CEP63: variants seen among roughly 807,000 people sequenced by gnomAD.
CEP63 encodes the protein centrosomal protein of 63 kDa.
In CEP63, 84 loss-of-function variants were observed where a neutral mutation model predicts 89.1. The ratio of observed to expected loss-of-function variants is 0.94; its 90% CI spans 0.79 to 1.13. CEP63 has a LOEUF of 1.13. CEP63 is among the 50% of genes most tolerant of loss of function. The pLI is 0.00. For synonymous variants in CEP63, 267 were observed against 272.5 expected (o/e 0.98, Z 0.20); for missense variants, 838 against 813.3 (o/e 1.03, Z -0.37).
chr3:134,532,972 A>C, intron 5 of CEP63, 72 bp downstream of exon 5: 1 of 1,543,440 alleles, frequency 6.5e-7, no homozygotes, highest in South Asian at 1.1e-5. Context: ...TTCTAATGGC[A>C]CTATTTTCTG....
chr3:134,619,243 C>G, the CEP63 span: 1 of 1,613,954 alleles, frequency 6.2e-7, no homozygotes. Context: ...GGTCCTTCTC[C>G]TGAGCAGCTG....
At chr3:134,491,533 T>A (rs1187903905) in intron 1 of CEP63, among the ~76,000 whole-genome samples, 1 of 152,256 alleles carries the variant, frequency 6.6e-6, no homozygotes, top group Non-Finnish European at 1.5e-5. Context: ...TATAAAAGTT[T>A]GTTTTTATGT....
intron 3 of CEP63, among the ~76,000 whole-genome samples, chr3:134,522,161 A>AC (rs1409363875): frequency 6.6e-6 from 1 of 152,138 alleles, no homozygotes; most frequent in East Asian, 1.9e-4. Flanking sequence ...TTTACTTCCT[A>AC]CCTTTCTCCT....
chr3:134,748,745 G>A, the CEP63 span, among the ~76,000 whole-genome samples: 7 of 152,152 alleles, frequency 4.6e-5, no homozygotes, highest in Non-Finnish European at 1.0e-4. Context: ...ATATATGCAG[G>A]GTGCTAGGGT....
At chr3:134,777,709 G>A in the CEP63 span, among the ~76,000 whole-genome samples, 1 of 147,910 alleles carries the variant, frequency 6.8e-6, no homozygotes, top group Non-Finnish European at 1.5e-5. Flanking sequence ...CGCCTCTCAG[G>A]TTCAAGCAAT....
chr3:134,517,583 T>A (rs1362355105), intron 3 of CEP63, among the ~76,000 whole-genome samples: 1 of 152,152 alleles, frequency 6.6e-6, no homozygotes, highest in Non-Finnish European at 1.5e-5. Flanking sequence ...ATAAAGTAAA[T>A]CTTGATACAG....
intron 10 of CEP63, among the ~76,000 whole-genome samples, chr3:134,587,068 T>C (rs1958499426): frequency 6.6e-6 from 1 of 152,200 alleles, no homozygotes; most frequent in Admixed American, 6.5e-5. Context: ...TTCTCTATGC[T>C]GTTTATTCTA....
chr3:134,521,545 A>T (rs2108775430), intron 3 of CEP63, among the ~76,000 whole-genome samples: 1 of 152,258 alleles, frequency 6.6e-6, no homozygotes, highest in Middle Eastern at 3.4e-3. Flanking sequence ...CACATTTTAC[A>T]TTTATGCAAA....
intron 13 of CEP63, 66 bp downstream of exon 13, chr3:134,558,413 A>G: frequency 8.9e-7 from 1 of 1,123,344 alleles, no homozygotes; most frequent in Non-Finnish European, 1.3e-6. Context: ...TTCTTTGAGA[A>G]TAATTTTTGA....
At chr3:134,653,271 T>C in the CEP63 span, among the ~76,000 whole-genome samples, 1 of 152,230 alleles carries the variant, frequency 6.6e-6, no homozygotes, top group Non-Finnish European at 1.5e-5. Context: ...CACATTCACT[T>C]CCCTATTGTG....
At chr3:134,753,669 T>C in the CEP63 span, among the ~76,000 whole-genome samples, 1 of 152,244 alleles carries the variant, frequency 6.6e-6, no homozygotes, top group South Asian at 2.1e-4. Context: ...AATCTCAGGC[T>C]GGGAGTTTGC....
Position 134,559,300 on chromosome 3 carries a change from C to T in CEP63, c.1824C>T (p.Ser608=). 6.2e-7 allele frequency: 1 copy of T among 1,614,154 alleles called. No individual in the cohort carries two copies. The highest frequency in any genetic ancestry group is 8.5e-7 in the Non-Finnish European group (1 of 1,180,018). ...PLSPQISPCS[S]TRSLTSYSLC... is the part of the protein sequence containing the mutation. ...GTCCTCAAATCAGCCCTTGCAGCTCCACCAGGTCTTTGACTTCCTACTCTC... is the reference window on the plus strand; with the variant it reads ...GTCCTCAAATCAGCCCTTGCAGCTCTACCAGGTCTTTGACTTCCTACTCTC... The change falls in exon 14 of 15, where the codon TCC becomes TCT. Residue 608 remains serine, a synonymous_variant. Transcript: ENST00000675561.
chr3:134,574,843 A>G (rs1053595297), exon 12 of CEP63: 2 of 631,606 alleles, frequency 3.2e-6, no homozygotes. Flanking sequence ...TCGGGATTCA[A>G]GCAATCCGCC....
chr3:134,576,344 C>T (rs1958211481), downstream of CEP63, among the ~76,000 whole-genome samples: 1 of 152,224 alleles, frequency 6.6e-6, no homozygotes, highest in Non-Finnish European at 1.5e-5. Flanking sequence ...GCAAACCCCT[C>T]ATCTTAGAAG....
At chr3:134,646,097 A>G in the CEP63 span, among the ~76,000 whole-genome samples, 1 of 152,206 alleles carries the variant, frequency 6.6e-6, no homozygotes, top group Non-Finnish European at 1.5e-5. Context: ...ACATGGGCTT[A>G]GCATGCATAC....
intron 12 of CEP63, among the ~76,000 whole-genome samples, chr3:134,555,309 G>A (rs373634934): frequency 3.3e-5 from 5 of 152,144 alleles, no homozygotes; most frequent in African/African-American, 9.7e-5. Flanking sequence ...AGGGTATTCA[G>A]TTAGGAAAAG....
chr3:134,542,940 C>CAAA (rs10645147), intron 6 of CEP63, among the ~76,000 whole-genome samples: 3,568 of 147,524 alleles, frequency 0.024, 104 homozygotes, highest in South Asian at 0.074. Context: ...GTGGTTAGTG[C>CAAA]AAAAAAAAAA....
At chr3:134,555,004 G>A (rs1290443681) in intron 12 of CEP63, among the ~76,000 whole-genome samples, 8 of 152,106 alleles carry the variant, frequency 5.3e-5, no homozygotes, top group African/African-American at 1.9e-4. Context: ...AGATGAGTAG[G>A]TTGCCAAAGA....
chr3:134,709,500 TG>T, the CEP63 span, among the ~76,000 whole-genome samples: 4 of 38,464 alleles, frequency 1.0e-4, no homozygotes, highest in African/African-American at 4.0e-4. Flanking sequence ...GGGGTGGGGG[TG>T]GGGGTTGGTC....
Sources: gnomAD v4.1 joint callset for allele counts (sites outside exome capture counted in the v4.1 genomes callset) on GRCh38, gnomAD v4.1.1 for gene constraint, MANE v1.5 for transcripts, NCBI Gene and HGNC (gene_info 2026-07-23, HGNC 2026-07-21) for gene names.